The following PATJ variants were observed in gnomAD, a reference collection of about 807,000 sequenced individuals.
PATJ encodes inaD-like protein.
In PATJ, 190 loss-of-function variants were observed where a neutral mutation model predicts 224.9. The observed-to-expected ratio is 0.84, with a 90% CI of 0.75 to 0.95. The LOEUF is 0.95. Ranked by LOEUF, PATJ falls within the 40% of genes least tolerant of loss-of-function variation. The pLI, the probability that PATJ is intolerant of heterozygous loss-of-function variation, is 0.00. For synonymous variants in PATJ, 769 were observed against 820.3 expected (o/e 0.94, Z 1.07); for missense variants, 2,121 against 2,270.3 (o/e 0.93, Z 1.34).
At chr1:62,085,734 A>G (rs1355379686) in intron 33 of PATJ, among the ~76,000 whole-genome samples, 2 of 150,824 alleles carry the variant, frequency 1.3e-5, no homozygotes, top group Non-Finnish European at 2.9e-5. Flanking sequence ...AAGGAGGATC[A>G]CTTGAGCCCA....
At chr1:62,148,232 C>T in intron 41 of PATJ, 52 bp from the exon 42 acceptor site, 2 of 1,246,058 alleles carry the variant, frequency 1.6e-6, no homozygotes, top group African/African-American at 1.5e-5. Context: ...CATGGTTTCT[C>T]TAATTCTCCC....
intron 27 of PATJ, among the ~76,000 whole-genome samples, chr1:61,964,092 C>CCCTT (rs902391580): frequency 2.7e-5 from 4 of 146,226 alleles, no homozygotes; most frequent in Admixed American, 6.8e-5. Context: ...CTCCCTCCCT[C>CCCTT]CCTTCCTTCC....
chr1:62,121,305 G>T lies in PATJ; in HGVS notation c.5005+10G>T, dbSNP rs541131934. ...TCCCAGAAAAATTCAGGTATTACAC[G>T]GACACACCCAGAGCAAAACTATCCT... On this transcript the variant is annotated intron_variant, in intron 38 of 43. Coordinates refer to ENST00000642238, the MANE Select transcript of PATJ (RefSeq NM_001350145.3). 1.3e-6 allele frequency: 2 copies of T among 1,533,506 alleles called. No individual in the cohort carries two copies. 95.0% of individuals were successfully genotyped at this position (1,533,506 alleles called of 1,614,324 possible).
At chr1:62,073,925 A>T (rs1657861909) in intron 31 of PATJ, among the ~76,000 whole-genome samples, 1 of 152,176 alleles carries the variant, frequency 6.6e-6, no homozygotes, top group Non-Finnish European at 1.5e-5. Context: ...TTACATTTGA[A>T]TTTCACTTCT....
At chr1:62,131,307 A>C (rs1343907254) in intron 41 of PATJ, among the ~76,000 whole-genome samples, 2 of 152,178 alleles carry the variant, frequency 1.3e-5, no homozygotes, top group African/African-American at 4.8e-5. Flanking sequence ...CCCTAGAGGC[A>C]GTACAGTGCA....
intron 27 of PATJ, among the ~76,000 whole-genome samples, chr1:61,952,621 G>A (rs993664708): frequency 3.9e-5 from 6 of 152,228 alleles, no homozygotes; most frequent in Admixed American, 3.9e-4. Flanking sequence ...GTGCACTGTA[G>A]TTTGAATGTC....
rs145837024 is a variant in PATJ, at chr1:62,086,228, A to ATGTGTG, written c.4377+1590_4377+1595dup. Among the ~76,000 whole-genome samples, 6 of 150,336 alleles carry ATGTGTG rather than the reference A, an allele frequency of 4.0e-5. No homozygotes were observed. The East Asian group carries it at 9.7e-4, about 24-fold the overall frequency. On this transcript the variant is annotated intron_variant, in intron 33 of 43. Transcript: ENST00000642238. This position sits in a 1 kb window ranked among gnomAD's most constrained non-coding sequence, Gnocchi z 4.0. ...TACTCAAGATGTGATTAATTAATGC[A>ATGTGTG]TGTGTGTGTGTGTGTATGTGTGTGT...
At chr1:62,139,632 C>A (rs536430407) in intron 41 of PATJ, among the ~76,000 whole-genome samples, 1 of 152,264 alleles carries the variant, frequency 6.6e-6, no homozygotes, top group South Asian at 2.1e-4. Flanking sequence ...AGATTATCCC[C>A]TTTCACAAGT....
At chr1:61,949,294 AAAAC>A (rs1446022492) in intron 27 of PATJ, among the ~76,000 whole-genome samples, 2 of 152,102 alleles carry the variant, frequency 1.3e-5, no homozygotes, top group Non-Finnish European at 2.9e-5. Flanking sequence ...CTGTCCATAA[AAAAC>A]AAATTTATAT....
chr1:61,805,686 A>T (rs1391275849), intron 13 of PATJ, among the ~76,000 whole-genome samples, 162 bp downstream of exon 13: 2 of 151,884 alleles, frequency 1.3e-5, no homozygotes, highest in African/African-American at 4.8e-5. Context: ...TTTTCCCCCC[A>T]TCTTTAGCAT....
chr1:61,869,068 G>A (rs1309948708), intron 20 of PATJ, among the ~76,000 whole-genome samples: 2 of 151,768 alleles, frequency 1.3e-5, no homozygotes, highest in Non-Finnish European at 2.9e-5. Context: ...AAAGACAAAC[G>A]GGTTTTTAGG....
In PATJ at chr1:61,768,472, A is replaced by AAAATAAATAAAT. The variant is rs141005824; in HGVS notation, c.385-797_385-786dup. ...GCGACAGAGTGAGACTCCGTCTCAAAAAATAAATAAATAAATAAATAAATA... is the reference window on the plus strand; with the variant it reads ...GCGACAGAGTGAGACTCCGTCTCAAAAAATAAATAAATAAATAAATAAATAAATAAATAAATA... On this transcript the variant is annotated intron_variant, in intron 4 of 43. Coordinates refer to ENST00000642238, the MANE Select transcript of PATJ (RefSeq NM_001350145.3). 4.0e-3 allele frequency among the ~76,000 whole-genome samples: 593 copies of AAAATAAATAAAT among 149,396 alleles called. 3 individuals are homozygous for AAAATAAATAAAT. The highest frequency in any genetic ancestry group is 0.021 in the Middle Eastern group (6 of 292).
Position 61,791,420 on chromosome 1 carries a change from G to A in PATJ, c.1141G>A (p.Val381Ile), listed in dbSNP as rs144464492. 1.6e-4 allele frequency: 259 copies of A among 1,603,964 alleles called. 2 individuals carry two copies. In the East Asian group the frequency reaches 3.2e-3, roughly 20 times the overall value. ...TGGGCAGAGTCTTGGAATTAGAATT[G>A]TTGGCTATGTTGGAACATCTCATAC... The part of the protein sequence containing the change: ...KDGQSLGIRI[V>I]GYVGTSHTGE... The change falls in exon 9 of 44, where the codon GTT becomes ATT. Residue 381 changes from valine to isoleucine, a missense_variant. By Grantham distance (29) the Val-to-Ile change is conservative (BLOSUM62 3). Transcript: ENST00000642238.
intron 7 of PATJ, among the ~76,000 whole-genome samples, chr1:61,780,489 A>T (rs1420911313): frequency 1.3e-5 from 2 of 152,088 alleles, no homozygotes; most frequent in East Asian, 3.9e-4. Flanking sequence ...AACAAAAACC[A>T]CACACATCTG....
At chr1:61,974,410 T>C (rs1644009784) in intron 27 of PATJ, among the ~76,000 whole-genome samples, 7 of 135,998 alleles carry the variant, frequency 5.1e-5, no homozygotes, top group South Asian at 2.6e-4. Flanking sequence ...TCTCTCTTTT[T>C]TTTTTTTTTT....
chr1:61,952,779 A>G (rs1250202067), intron 27 of PATJ, among the ~76,000 whole-genome samples: 1 of 152,200 alleles, frequency 6.6e-6, no homozygotes. Context: ...GACATTTATT[A>G]TCATTATTGT....
intron 31 of PATJ, among the ~76,000 whole-genome samples, chr1:62,069,581 T>C (rs955023060): frequency 6.6e-6 from 1 of 152,216 alleles, no homozygotes; most frequent in African/African-American, 2.4e-5. Flanking sequence ...TCAGACCAGA[T>C]GCTTTTCAGA....
At chr1:61,792,041 C>T (rs1194259176) in intron 9 of PATJ, among the ~76,000 whole-genome samples, 1 of 151,928 alleles carries the variant, frequency 6.6e-6, no homozygotes, top group African/African-American at 2.4e-5. Context: ...TAAACCTTTC[C>T]ACAAATATTT....
chr1:62,036,631 G>A (rs1467732124), intron 29 of PATJ, among the ~76,000 whole-genome samples: 1 of 152,064 alleles, frequency 6.6e-6, no homozygotes, highest in Non-Finnish European at 1.5e-5. Flanking sequence ...TTGAATTTAA[G>A]GGAAGGGAAT....
Sources: gnomAD v4.1 joint callset for allele counts (sites outside exome capture counted in the v4.1 genomes callset) on GRCh38, gnomAD v4.1.1 for gene constraint, Gnocchi (gnomAD v3.1) non-coding constraint, MANE v1.5 for transcripts, NCBI Gene and HGNC (gene_info 2026-07-23, HGNC 2026-07-21) for gene names.